UBE2U: variants seen among roughly 807,000 people sequenced by gnomAD.
UBE2U encodes ubiquitin conjugating enzyme E2 U.
Under a neutral mutation model 41.2 loss-of-function variants are expected in UBE2U, and 39 were observed. The ratio of observed to expected loss-of-function variants is 0.95; its 90% confidence interval spans 0.73 to 1.24. The LOEUF (loss-of-function observed/expected upper bound fraction) is 1.24, where lower values mean the gene tolerates loss of function less well. Among genes scored for constraint, UBE2U ranks in the 50% most tolerant of loss-of-function variants. UBE2U has a pLI of 0.00. For missense variants in UBE2U, 336 were observed against 363.1 expected (o/e 0.93, Z 0.61); for synonymous variants, 107 against 117.8 (o/e 0.91, Z 0.60).
chr1:64,216,879 G>A (rs1359885759), intron 5 of UBE2U, among the ~76,000 whole-genome samples: 1 of 152,132 alleles, frequency 6.6e-6, no homozygotes, highest in Admixed American at 6.6e-5. Flanking sequence ...TTTCCTTGTG[G>A]CCTGGCCCCT....
At chr1:64,222,109 A>AAG (rs35269171) in intron 6 of UBE2U, among the ~76,000 whole-genome samples, 6 of 150,364 alleles carry the variant, frequency 4.0e-5, no homozygotes, top group Non-Finnish European at 8.9e-5. Context: ...AAAAAAAAAA[A>AAG]CACAAAAACT....
At chr1:64,244,049 T>A (rs1644878878) in intron 8 of UBE2U, 9 of 933,028 alleles carry the variant, frequency 9.6e-6, no homozygotes, top group South Asian at 9.2e-5. Context: ...TCAAACAGTA[T>A]CTGGTGCATG....
chr1:64,204,153 T>C, intron 1 of UBE2U, 37 bp downstream of exon 1: 1 of 1,582,386 alleles, frequency 6.3e-7, no homozygotes, highest in Non-Finnish European at 8.6e-7. Context: ...TGTTTCATTG[T>C]GCAATAATTT....
intron 6 of UBE2U, 25 bp from the exon 7 acceptor site, chr1:64,232,536 G>A (rs374730231): frequency 1.5e-5 from 23 of 1,572,096 alleles, no homozygotes; most frequent in South Asian, 3.4e-5. Flanking sequence ...ACTGCCCATC[G>A]TCTGATTTTT....
intron 8 of UBE2U, among the ~76,000 whole-genome samples, chr1:64,253,540 G>A (rs903349937): frequency 6.0e-5 from 9 of 150,942 alleles, no homozygotes; most frequent in African/African-American, 2.2e-4. Context: ...CTGTAGGGAA[G>A]CCCATCAGAC....
In UBE2U at chr1:64,261,352, A is replaced by G. The variant is rs1040606257; in HGVS notation, c.769+658A>G. ...GTTCAACAAATCCTAGTTGCTAAAAATCTGCCCTTACTCACAGGATTCTTA... is the reference window on the plus strand; with the variant it reads ...GTTCAACAAATCCTAGTTGCTAAAAGTCTGCCCTTACTCACAGGATTCTTA... On this transcript the variant is annotated intron_variant, in intron 9 of 9. Coordinates refer to ENST00000371077, the MANE Select transcript of UBE2U (RefSeq NM_001366232.2). 3.3e-5 allele frequency among the ~76,000 whole-genome samples: 5 copies of G among 152,282 alleles called. No individual in the cohort carries two copies. The South Asian group carries it at 6.2e-4, about 19-fold the overall frequency.
At chr1:64,241,828 C>A in intron 8 of UBE2U, 95 bp downstream of exon 8, 1 of 897,046 alleles carries the variant, frequency 1.1e-6, no homozygotes, top group East Asian at 2.6e-5. Context: ...AGAAGAAACC[C>A]TTGGAAATAA....
chr1:64,258,256 A>G (rs1487205005), intron 8 of UBE2U, among the ~76,000 whole-genome samples: 31 of 152,196 alleles, frequency 2.0e-4, no homozygotes, highest in Admixed American at 2.0e-3. Flanking sequence ...TGTTCAATGA[A>G]TATTTATTAA....
At chr1:64,210,917 T>C in intron 4 of UBE2U, 78 bp downstream of exon 4, 1 of 954,214 alleles carries the variant, frequency 1.0e-6, no homozygotes, top group Non-Finnish European at 1.5e-6. Flanking sequence ...GATTAAAATA[T>C]ACAATGCATA....
chr1:64,262,372 G>A (rs1003746754), intron 9 of UBE2U, among the ~76,000 whole-genome samples: 1 of 152,190 alleles, frequency 6.6e-6, no homozygotes, highest in African/African-American at 2.4e-5. Flanking sequence ...TACAGGCACA[G>A]CTTAGCTGAA....
At position 64,263,242 on chromosome 1, in the gene UBE2U, T is replaced by G. The variant is rs548521082; in HGVS notation, c.769+2548T>G. The stretch of plus-strand genomic sequence containing the variant: ...ATTGTTCAGAAATATTAATTCCTGC[T>G]CCACCTACATGAACAAAACATGTTT... On this transcript the variant is annotated intron_variant, in intron 9 of 9. Transcript: ENST00000371077. Among the ~76,000 whole-genome samples, 301 of 152,312 alleles carry G rather than the reference T, an allele frequency of 2.0e-3. 1 individual carries two copies. The highest frequency in any genetic ancestry group is 2.9e-3 in the Non-Finnish European group (196 of 68,032).
chr1:64,242,863 A>G (rs1230518543), intron 8 of UBE2U, among the ~76,000 whole-genome samples: 1 of 152,170 alleles, frequency 6.6e-6, no homozygotes, highest in Admixed American at 6.5e-5. Flanking sequence ...TTTAGAGTTG[A>G]AGAAACCTAC....
At chr1:64,236,448 G>A (rs948889343) in intron 7 of UBE2U, among the ~76,000 whole-genome samples, 3 of 152,118 alleles carry the variant, frequency 2.0e-5, no homozygotes, top group Non-Finnish European at 4.4e-5. Context: ...ATAAGCATAG[G>A]CAATCGTATG....
chr1:64,224,822 T>C (rs1193829049), intron 6 of UBE2U, among the ~76,000 whole-genome samples: 2 of 152,088 alleles, frequency 1.3e-5, no homozygotes, highest in Non-Finnish European at 2.9e-5. Flanking sequence ...GTAACTACAC[T>C]TAACACTACT....
chr1:64,249,458 T>C (rs1269580717), intron 8 of UBE2U, among the ~76,000 whole-genome samples: 1 of 139,072 alleles, frequency 7.2e-6, no homozygotes, highest in Non-Finnish European at 1.6e-5. Context: ...ATTACATCAA[T>C]ACAAATAGAT....
At chr1:64,209,700 G>T (rs1355227284) in intron 3 of UBE2U, among the ~76,000 whole-genome samples, 1 of 86,618 alleles carries the variant, frequency 1.2e-5, no homozygotes, top group Non-Finnish European at 2.2e-5. Context: ...CCCCGCAAAA[G>T]ATGGCTATGT....
At chr1:64,237,605 G>A (rs561237757) in intron 7 of UBE2U, among the ~76,000 whole-genome samples, 1 of 152,262 alleles carries the variant, frequency 6.6e-6, no homozygotes, top group East Asian at 1.9e-4. Context: ...TTGGCTGTGT[G>A]TGGGAGATAA....
intron 8 of UBE2U, among the ~76,000 whole-genome samples, chr1:64,254,010 G>A (rs537474477): frequency 2.6e-5 from 4 of 152,190 alleles, no homozygotes; most frequent in South Asian, 2.1e-4. Flanking sequence ...TGCTGTCTTC[G>A]AGAGACCCAT....
intron 9 of UBE2U, 126 bp from the exon 10 acceptor site, chr1:64,266,897 AT>A: frequency 2.5e-6 from 2 of 795,228 alleles, no homozygotes; most frequent in Non-Finnish European, 2.0e-6. Context: ...TAGAAAGTGT[AT>A]AAAAGGTTGC....
Sources: allele counts gnomAD v4.1 joint callset (sites outside exome capture counted in the v4.1 genomes callset), GRCh38; gene constraint gnomAD v4.1.1; transcripts MANE v1.5; gene names NCBI Gene and HGNC (gene_info 2026-07-23, HGNC 2026-07-21).